The following CCDC138 variants were observed in gnomAD, a reference collection of about 807,000 sequenced individuals.
CCDC138 encodes the protein coiled-coil domain-containing protein 138.
A neutral mutation model predicts 82.3 loss-of-function variants in CCDC138; 66 were observed. The observed-to-expected ratio is 0.80, with a 90% CI of 0.66 to 0.98. CCDC138 has a LOEUF of 0.98. CCDC138 is among the 50% of genes least tolerant of loss of function. CCDC138 has a pLI of 0.00. For missense variants in CCDC138, 816 were observed against 758.9 expected (o/e 1.08, Z -0.88); for synonymous variants, 297 against 265.4 (o/e 1.12, Z -1.16).
chr2:108,794,543 C>G lies in CCDC138; in HGVS notation c.398C>G (p.Ala133Gly). The change falls in exon 5 of 15, where the codon GCC becomes GGC. Residue 133 changes from alanine to glycine, a missense_variant. By Grantham distance (60) the Ala-to-Gly change is moderately conservative. Transcript: ENST00000295124. ...KQSFKEIEKV[A>G]LPTNTTSSRP... is the part of the protein sequence containing the mutation. The stretch of plus-strand genomic sequence containing the variant: ...GCAAATGTTATTTTCTTTGCAGTTG[C>G]CTTGCCAACTAATACGACCTCATCG... The G allele has an allele frequency of 6.3e-7, 1 of 1,593,314 alleles. No homozygotes were observed. Among genetic ancestry groups the G allele is most frequent in the Non-Finnish European group, 8.5e-7 (1 of 1,169,704 alleles).
At chr2:108,833,649 G>A (rs1278629911) in intron 10 of CCDC138, among the ~76,000 whole-genome samples, 1 of 151,456 alleles carries the variant, frequency 6.6e-6, no homozygotes, top group East Asian at 1.9e-4. Context: ...AAAGATACCA[G>A]TACTTACATA....
At chr2:108,826,455 C>G (rs535947681) in intron 10 of CCDC138, among the ~76,000 whole-genome samples, 3 of 152,036 alleles carry the variant, frequency 2.0e-5, no homozygotes, top group African/African-American at 7.3e-5. Flanking sequence ...AGGAGTGTAA[C>G]CTCATTTTTT....
At chr2:108,850,210 C>T (rs141788685) in intron 12 of CCDC138, among the ~76,000 whole-genome samples, 1 of 152,184 alleles carries the variant, frequency 6.6e-6, no homozygotes, top group African/African-American at 2.4e-5. Flanking sequence ...AGACTTAACT[C>T]TAGTAAGAAG....
chr2:108,873,245 A>C (rs988118943), intron 13 of CCDC138, among the ~76,000 whole-genome samples: 1 of 152,196 alleles, frequency 6.6e-6, no homozygotes, highest in Non-Finnish European at 1.5e-5. Context: ...TAGGGTAAAT[A>C]ATCTTTTGTT....
chr2:108,821,620 A>T (rs1285973403), intron 10 of CCDC138, among the ~76,000 whole-genome samples: 2 of 152,150 alleles, frequency 1.3e-5, no homozygotes, highest in Non-Finnish European at 2.9e-5. Context: ...GCTACAAAAC[A>T]TACAGAAAAA....
intron 13 of CCDC138, among the ~76,000 whole-genome samples, chr2:108,860,758 G>C (rs1467179324): frequency 6.6e-6 from 1 of 151,538 alleles, no homozygotes; most frequent in Non-Finnish European, 1.5e-5. Context: ...TTGGCCTATA[G>C]TTTTCTACTT....
At chr2:108,877,296 C>T (rs1696094940), downstream of CCDC138, among the ~76,000 whole-genome samples, 1 of 90,220 alleles carries the variant, frequency 1.1e-5, no homozygotes, top group African/African-American at 2.9e-5. Context: ...GGTGAAACCC[C>T]GTCTCTACAA....
intron 13 of CCDC138, among the ~76,000 whole-genome samples, chr2:108,868,958 A>G (rs1297191636): frequency 6.6e-6 from 1 of 152,170 alleles, no homozygotes; most frequent in African/African-American, 2.4e-5. Flanking sequence ...GATTTTCTCT[A>G]CGTTCCCAGC....
At position 108,830,693 on chromosome 2, in the gene CCDC138, A is replaced by T. The variant is rs113716060; in HGVS notation, c.1207-8492A>T. 2.3e-3 allele frequency among the ~76,000 whole-genome samples: 351 copies of T among 152,242 alleles called. 2 individuals carry two copies. Among genetic ancestry groups the T allele is most frequent in the African/African-American group, 8.0e-3 (331 of 41,526 alleles). Reference sequence around the variant, plus strand: ...TGTTGTGGTGGGCACATGTAATCCCAGCTACTTGGGAGGCTGAGGCAAGAG... The same window carrying T: ...TGTTGTGGTGGGCACATGTAATCCCTGCTACTTGGGAGGCTGAGGCAAGAG... On this transcript the variant is annotated intron_variant, in intron 10 of 14. Coordinates refer to ENST00000295124, the MANE Select transcript of CCDC138 (RefSeq NM_144978.3).
intron 6 of CCDC138, among the ~76,000 whole-genome samples, chr2:108,799,891 A>T (rs559415969): frequency 6.6e-6 from 1 of 152,000 alleles, no homozygotes; most frequent in South Asian, 2.1e-4. Flanking sequence ...CCATGTTGCT[A>T]TTGAGCCCAT....
At chr2:108,839,723 A>T (rs73952526) in intron 11 of CCDC138, among the ~76,000 whole-genome samples, 2,005 of 152,180 alleles carry the variant, frequency 0.013, 64 homozygotes, top group South Asian at 0.082. Context: ...TTTATTTTGT[A>T]TCCTGTGACC....
chr2:108,794,590 A>G lies in CCDC138; in HGVS notation c.445A>G (p.Ser149Gly). The change falls in exon 5 of 15, where the codon AGT (serine) becomes GGT (glycine). Residue 149 changes from serine to glycine, a missense_variant. Transcript: ENST00000295124. ...TSSRPRTECC[S>G]DAGDSPLKPV... ...ATCGAGACCTCGGACTGAGTGTTGT[A>G]GTGATGCAGGTGACTCTCCTTTGAA... 1.2e-6 allele frequency: 2 copies of G among 1,614,110 alleles called. No individual in the cohort carries two copies. Among genetic ancestry groups the G allele is most frequent in the Non-Finnish European group, 1.7e-6 (2 of 1,179,994 alleles).
At chr2:108,880,946 G>A (rs1317860363), downstream of CCDC138, among the ~76,000 whole-genome samples, 5 of 152,164 alleles carry the variant, frequency 3.3e-5, no homozygotes, top group Non-Finnish European at 5.9e-5. Context: ...TAATTCATGA[G>A]AGAAGTTCAA....
At chr2:108,838,892 A>G (rs891014632) in intron 10 of CCDC138, among the ~76,000 whole-genome samples, 1 of 152,160 alleles carries the variant, frequency 6.6e-6, no homozygotes. Flanking sequence ...TAATGGTTAC[A>G]TATATACTAT....
chr2:108,853,246 A>G (rs992663559), intron 12 of CCDC138, among the ~76,000 whole-genome samples: 27 of 152,302 alleles, frequency 1.8e-4, no homozygotes, highest in Admixed American at 1.2e-3. Flanking sequence ...ATTCCCTGCA[A>G]TAACTATGAG....
intron 13 of CCDC138, among the ~76,000 whole-genome samples, chr2:108,860,157 G>T (rs1185565978): frequency 6.6e-6 from 1 of 151,430 alleles, no homozygotes; most frequent in Non-Finnish European, 1.5e-5. Flanking sequence ...TAAATATGTT[G>T]TTTTGATGTA....
chr2:108,850,741 G>A (rs1290949634), intron 12 of CCDC138, among the ~76,000 whole-genome samples: 1 of 152,170 alleles, frequency 6.6e-6, no homozygotes, highest in East Asian at 1.9e-4. Flanking sequence ...GTGAGCCACT[G>A]CGCCTGGCCA....
chr2:108,855,531 G>C (rs1187933932), intron 12 of CCDC138, among the ~76,000 whole-genome samples: 1 of 151,014 alleles, frequency 6.6e-6, no homozygotes, highest in African/African-American at 2.4e-5. Flanking sequence ...AGTCTGAACA[G>C]AATCACAGAA....
intron 13 of CCDC138, among the ~76,000 whole-genome samples, chr2:108,866,125 T>G (rs1255685858): frequency 6.6e-6 from 1 of 152,190 alleles, no homozygotes; most frequent in Non-Finnish European, 1.5e-5. Context: ...TCTTAAAGTT[T>G]CTGGATTTCA....
Sources: gnomAD v4.1 joint callset for allele counts (sites outside exome capture counted in the v4.1 genomes callset) on GRCh38, gnomAD v4.1.1 for gene constraint, MANE v1.5 for transcripts, NCBI Gene and HGNC (gene_info 2026-07-23, HGNC 2026-07-21) for gene names.